M1AP: variants seen among roughly 807,000 people sequenced by gnomAD.
M1AP encodes the protein meiosis 1 associated protein, also known as meiosis 1 arrest protein.
In M1AP, 39 loss-of-function variants were observed where a neutral mutation model predicts 51.2. That is an observed-to-expected ratio of 0.76 (90% CI 0.59 to 1.00). The LOEUF is 1.00. Among genes scored for constraint, M1AP ranks in the 50% least tolerant of loss-of-function variants. The pLI is 0.00. For synonymous variants in M1AP, 251 were observed against 249.2 expected, an observed-to-expected ratio of 1.01 and a Z score of -0.07; for missense variants, 545 against 641.2, an observed-to-expected ratio of 0.85 and a Z score of 1.62.
At chr2:74,609,891 A>C (rs1681225339) in intron 3 of M1AP, among the ~76,000 whole-genome samples, 1 of 151,798 alleles carries the variant, frequency 6.6e-6, no homozygotes, top group African/African-American at 2.4e-5. Flanking sequence ...CAGATTATTC[A>C]TTTTTTCCCT....
intron 4 of M1AP, among the ~76,000 whole-genome samples, chr2:74,593,542 G>A (rs1342035443): frequency 6.6e-6 from 1 of 152,078 alleles, no homozygotes; most frequent in Admixed American, 6.5e-5. Context: ...CACTGCATCT[G>A]GCTAAGCTTT....
chr2:74,645,484 G>A (rs1459546136), intron 1 of M1AP, among the ~76,000 whole-genome samples: 4 of 152,164 alleles, frequency 2.6e-5, no homozygotes, highest in Non-Finnish European at 5.9e-5. Flanking sequence ...ACCAAATTGA[G>A]GACTAGCTTA....
At chr2:74,586,112 A>C (rs1679691075) in intron 4 of M1AP, among the ~76,000 whole-genome samples, 1 of 152,162 alleles carries the variant, frequency 6.6e-6, no homozygotes, top group South Asian at 2.1e-4. Context: ...ACCGAGTTCA[A>C]ATGTCACCTC....
chr2:74,606,964 T>C, intron 4 of M1AP, 91 bp downstream of exon 4: 1 of 1,021,248 alleles, frequency 9.8e-7, no homozygotes. Flanking sequence ...TACATATGTA[T>C]ACATGTGCCA....
chr2:74,566,562 A>T (rs1020223463), intron 7 of M1AP, among the ~76,000 whole-genome samples: 8 of 152,316 alleles, frequency 5.3e-5, no homozygotes, highest in African/African-American at 1.7e-4. Flanking sequence ...TAGGTGAAAG[A>T]TGAAGCAAGA....
intron 1 of M1AP, chr2:74,647,434 G>C: frequency 1.0e-6 from 1 of 981,236 alleles, no homozygotes; most frequent in Non-Finnish European, 1.2e-6. Context: ...AAGATTTCGT[G>C]GGCCCTAAGG....
chr2:74,581,758 T>C lies in M1AP; in HGVS notation c.685A>G (p.Asn229Asp). The change falls in exon 5 of 11, where the codon AAC (asparagine) becomes GAC (aspartate). Residue 229 changes from asparagine to aspartate, a missense_variant. Physicochemically the swap from Asn to Asp is conservative, Grantham distance 23. Transcript: ENST00000421985. ...MEIFFKAWLH[N>D]SGTDQEQIHL... is the part of the protein sequence containing the mutation. ...ATTTGTTCTTGGTCTGTTCCACTGT[T>C]ATGTAGCCAGGCTTTGAAGAAAATC... 2 of 1,614,140 alleles carry C rather than the reference T, an allele frequency of 1.2e-6. No individual in the cohort carries two copies. The highest frequency in any genetic ancestry group is 1.7e-6 in the Non-Finnish European group (2 of 1,179,960).
chr2:74,613,683 G>A (rs1336311768), intron 3 of M1AP, among the ~76,000 whole-genome samples: 1 of 152,182 alleles, frequency 6.6e-6, no homozygotes, highest in African/African-American at 2.4e-5. Flanking sequence ...GTAACTACCT[G>A]TTAGGGTAGT....
At chr2:74,616,029 C>T (rs144808663) in intron 2 of M1AP, among the ~76,000 whole-genome samples, 294 of 152,292 alleles carry the variant, frequency 1.9e-3, no homozygotes, top group African/African-American at 6.9e-3. Flanking sequence ...TCAACACCTT[C>T]CTGGGCTTAG....
intron 6 of M1AP, 134 bp downstream of exon 6, chr2:74,576,322 G>A (rs1156351232): frequency 6.5e-6 from 6 of 924,862 alleles, no homozygotes; most frequent in Non-Finnish European, 9.6e-6. Flanking sequence ...TCATGCCATA[G>A]CTGTAACTGC....
intron 3 of M1AP, among the ~76,000 whole-genome samples, chr2:74,612,536 AT>A (rs1323674507): frequency 1.3e-5 from 2 of 151,026 alleles, no homozygotes; most frequent in African/African-American, 2.4e-5. Flanking sequence ...GATCATTACT[AT>A]TTTTTTTCCT....
chr2:74,579,439 C>A (rs761433530), intron 5 of M1AP, among the ~76,000 whole-genome samples: 7 of 152,138 alleles, frequency 4.6e-5, no homozygotes, highest in Non-Finnish European at 7.4e-5. Context: ...GTCAAGTGTA[C>A]AAAATATAGA....
chr2:74,603,067 T>C (rs368591276), intron 4 of M1AP, among the ~76,000 whole-genome samples: 2 of 152,158 alleles, frequency 1.3e-5, no homozygotes, highest in African/African-American at 2.4e-5. Context: ...ACAGATTCAT[T>C]TTGAGAACCC....
intron 2 of M1AP, chr2:74,619,440 G>A (rs1323150195): frequency 6.4e-6 from 1 of 156,402 alleles, no homozygotes; most frequent in Non-Finnish European, 1.4e-5. Context: ...TGCTCTGAGG[G>A]AGCAGAAGCA....
At chr2:74,627,639 GA>G (rs1682478724) in intron 2 of M1AP, among the ~76,000 whole-genome samples, 1 of 152,068 alleles carries the variant, frequency 6.6e-6, no homozygotes. Context: ...AAAATAAATA[GA>G]ACAGCAGGAA....
At chr2:74,579,358 T>C (rs1318174064) in intron 5 of M1AP, among the ~76,000 whole-genome samples, 2 of 152,182 alleles carry the variant, frequency 1.3e-5, no homozygotes, top group Non-Finnish European at 2.9e-5. Context: ...GGCAGGTTAA[T>C]ATAGTAGATA....
At chr2:74,596,627 AC>A (rs1351065093) in intron 4 of M1AP, among the ~76,000 whole-genome samples, 1 of 152,122 alleles carries the variant, frequency 6.6e-6, no homozygotes, top group Non-Finnish European at 1.5e-5. Flanking sequence ...AAACAGTAAG[AC>A]CCAAGATAAA....
At chr2:74,573,654 T>C (rs530467531) in intron 7 of M1AP, among the ~76,000 whole-genome samples, 25 of 152,296 alleles carry the variant, frequency 1.6e-4, no homozygotes, top group African/African-American at 5.5e-4. Context: ...CACCAGGTTA[T>C]AGTTCCTATA....
At chr2:74,635,857 C>A (rs1006260766) in intron 2 of M1AP, among the ~76,000 whole-genome samples, 1 of 152,044 alleles carries the variant, frequency 6.6e-6, no homozygotes, top group Admixed American at 6.6e-5. Context: ...TGCATGATTT[C>A]AATTTTTAAA....
Sources: gnomAD v4.1 joint callset for allele counts (sites outside exome capture counted in the v4.1 genomes callset) on GRCh38, gnomAD v4.1.1 for gene constraint, MANE v1.5 for transcripts, NCBI Gene and HGNC (gene_info 2026-07-23, HGNC 2026-07-21) for gene names.